Variants in MAST2 observed in about 807,000 individuals in gnomAD.
MAST2 encodes microtubule-associated serine/threonine-protein kinase 2.
A neutral mutation model predicts 147.4 loss-of-function variants in MAST2; 70 were observed. That is an observed-to-expected ratio of 0.47 (90% CI 0.39 to 0.58). The LOEUF (loss-of-function observed/expected upper bound fraction) is 0.58. MAST2 is among the 20% of genes least tolerant of loss of function. MAST2 has a pLI of 0.00. For missense variants in MAST2, 2,080 were observed against 2,302.3 expected (o/e 0.90, Z 1.98); for synonymous variants, 869 against 896.8 (o/e 0.97, Z 0.55).
intron 1 of MAST2, among the ~76,000 whole-genome samples, chr1:45,811,143 G>A (rs1644280271): frequency 6.7e-6 from 1 of 148,566 alleles, no homozygotes; most frequent in Non-Finnish European, 1.5e-5. Flanking sequence ...GGGCCACCGT[G>A]CCTAGCCGAG....
In MAST2 at chr1:45,959,417, G is replaced by A. The variant is rs1660087626; in HGVS notation, c.532G>A (p.Val178Met). Residue 178 changes from valine to methionine, a missense_variant, in exon 5 of 29, where the codon GTG (valine) becomes ATG (methionine). By Grantham distance (21) the Val-to-Met change is conservative. Transcript: ENST00000361297. ...GACAAGTAACCGCAAGAGCTTGATT[G>A]TGACCTCTAGCACATCACCTACACT... ...CRTSNRKSLIVTSSTSPTLPR... is the reference protein window; with the variant it reads ...CRTSNRKSLIMTSSTSPTLPR... 1 of 1,613,666 alleles carries A rather than the reference G, an allele frequency of 6.2e-7. No homozygotes were observed. The highest frequency in any genetic ancestry group is 8.5e-7 in the Non-Finnish European group (1 of 1,179,828).
chr1:45,907,970 C>A (rs779129481), intron 4 of MAST2, among the ~76,000 whole-genome samples: 26 of 151,960 alleles, frequency 1.7e-4, no homozygotes, highest in Non-Finnish European at 3.1e-4. Context: ...TCTTATTATT[C>A]TTTTGCTGTC....
rs1646674341 is a variant in MAST2 at position 46,031,633 on chromosome 1, A to AATC, written c.3187+49_3187+51dup. The AATC allele has an allele frequency of 1.3e-6, 2 of 1,559,172 alleles. No individual in the cohort carries two copies. The highest frequency in any genetic ancestry group is 1.8e-6 in the Non-Finnish European group (2 of 1,141,030). Reference sequence around the variant, plus strand: ...ATAAAACTCACAGGAAGGGCCTTGTAATCTCTAGGCCTTGGGAGGGTTCTG... The same window carrying AATC: ...ATAAAACTCACAGGAAGGGCCTTGTAATCATCTCTAGGCCTTGGGAGGGTTCTG... On this transcript the variant is annotated intron_variant, in intron 24 of 28. Transcript: ENST00000361297. The surrounding 1 kb of genome is among the most constrained non-coding windows in gnomAD (Gnocchi z 4.1).
At chr1:45,857,716 C>T (rs1645835250) in intron 3 of MAST2, among the ~76,000 whole-genome samples, 1 of 152,118 alleles carries the variant, frequency 6.6e-6, no homozygotes, top group Non-Finnish European at 1.5e-5. Flanking sequence ...TTGTCATTTA[C>T]ATTAGGTATA....
At chr1:45,834,956 A>G (rs1189042775) in intron 3 of MAST2, among the ~76,000 whole-genome samples, 1 of 150,562 alleles carries the variant, frequency 6.6e-6, no homozygotes. Flanking sequence ...TTTTTTTTCC[A>G]TAATTGAAAT....
chr1:45,933,462 G>A (rs372444799), intron 4 of MAST2, among the ~76,000 whole-genome samples: 4 of 151,630 alleles, frequency 2.6e-5, no homozygotes, highest in East Asian at 1.9e-4. Context: ...AACTCTGGCC[G>A]GGCACGGTGG....
At chr1:45,898,747 A>G (rs1358619488) in intron 4 of MAST2, among the ~76,000 whole-genome samples, 1 of 152,204 alleles carries the variant, frequency 6.6e-6, no homozygotes, top group African/African-American at 2.4e-5. Flanking sequence ...TCTTTCTGGC[A>G]TTTTGTACCT....
chr1:45,977,575 G>A (rs1348417017), intron 5 of MAST2, among the ~76,000 whole-genome samples: 6 of 151,688 alleles, frequency 4.0e-5, no homozygotes, highest in South Asian at 2.1e-4. Flanking sequence ...CGAGGCGGGC[G>A]GATCACAAGG....
intron 4 of MAST2, among the ~76,000 whole-genome samples, chr1:45,958,552 C>A (rs369876441): frequency 2.0e-5 from 3 of 151,384 alleles, no homozygotes; most frequent in African/African-American, 7.3e-5. Flanking sequence ...CCCTCTCCCC[C>A]TCTCCCTCTC....
intron 3 of MAST2, among the ~76,000 whole-genome samples, chr1:45,875,091 A>G (rs1323636172): frequency 1.3e-5 from 2 of 152,218 alleles, no homozygotes; most frequent in African/African-American, 2.4e-5. Context: ...CCTGTAGACT[A>G]CAGAAAGGAT....
At chr1:46,011,055 C>T (rs971882465) in intron 10 of MAST2, 116 bp downstream of exon 10, 3 of 850,560 alleles carry the variant, frequency 3.5e-6, no homozygotes, top group Non-Finnish European at 5.5e-6. Flanking sequence ...TGCTTGTTAC[C>T]CACCCTCAAA....
chr1:45,865,171 C>G, intron 3 of MAST2: 4 of 455,096 alleles, frequency 8.8e-6, no homozygotes, highest in Non-Finnish European at 1.8e-5. Context: ...TCACTGATCT[C>G]CTTCCTTTTA....
At chr1:45,825,455 C>G (rs1644762540) in intron 2 of MAST2, among the ~76,000 whole-genome samples, 2 of 148,246 alleles carry the variant, frequency 1.3e-5, no homozygotes, top group Admixed American at 1.3e-4. Context: ...TTTTTTGAGA[C>G]AGAGTCTCAC....
At chr1:45,893,679 T>C (rs1648245475) in intron 4 of MAST2, among the ~76,000 whole-genome samples, 1 of 151,896 alleles carries the variant, frequency 6.6e-6, no homozygotes, top group Non-Finnish European at 1.5e-5. Flanking sequence ...TCAGAAACGT[T>C]ATGGATAATG....
At chr1:45,948,737 A>G (rs1464324805) in intron 4 of MAST2, among the ~76,000 whole-genome samples, 2 of 142,782 alleles carry the variant, frequency 1.4e-5, no homozygotes, top group East Asian at 4.1e-4. Flanking sequence ...AAAAAAAGTC[A>G]TATGGAACAA....
chr1:45,820,891 C>CT (rs1644603466), intron 1 of MAST2, among the ~76,000 whole-genome samples: 8 of 68,154 alleles, frequency 1.2e-4, no homozygotes, highest in Non-Finnish European at 2.1e-4. Flanking sequence ...CTCTTTCTTT[C>CT]TCTTTTTTTT....
At chr1:45,848,372 T>A (rs1222006567) in intron 3 of MAST2, among the ~76,000 whole-genome samples, 1 of 152,250 alleles carries the variant, frequency 6.6e-6, no homozygotes, top group Non-Finnish European at 1.5e-5. Context: ...ACTTACCTTC[T>A]GGGAGTCTGA....
chr1:45,995,859 C>T (rs899870876), intron 5 of MAST2, among the ~76,000 whole-genome samples: 1 of 152,284 alleles, frequency 6.6e-6, no homozygotes. Context: ...AGCTGGGTAC[C>T]ATTGCCATGG....
intron 4 of MAST2, among the ~76,000 whole-genome samples, chr1:45,886,490 T>C (rs377021747): frequency 1.1e-4 from 17 of 151,954 alleles, no homozygotes; most frequent in South Asian, 4.1e-4. Context: ...GCTCATACCA[T>C]TTATTTTAGA....
Sources: allele counts gnomAD v4.1 joint callset (sites outside exome capture counted in the v4.1 genomes callset), GRCh38; gene constraint gnomAD v4.1.1; non-coding constraint Gnocchi (gnomAD v3.1); transcripts MANE v1.5; gene names NCBI Gene and HGNC (gene_info 2026-07-23, HGNC 2026-07-21).